Variants in GRAMD2A observed in about 807,000 individuals in gnomAD.
The protein encoded by GRAMD2A is GRAM domain-containing protein 2A.
Under a neutral mutation model 51.1 loss-of-function variants are expected in GRAMD2A, and 37 were observed. The observed-to-expected ratio is 0.72, with a 90% CI of 0.56 to 0.95. The LOEUF (loss-of-function observed/expected upper bound fraction) is 0.95, where lower values mean the gene tolerates loss of function less well. Among genes scored for constraint, GRAMD2A ranks in the 40% least tolerant of loss-of-function variants. The pLI is 0.00. For missense variants in GRAMD2A, 414 were observed against 426.9 expected (o/e 0.97, Z 0.27); for synonymous variants, 136 against 157.1 (o/e 0.87, Z 1.01).
At chr15:72,194,994 C>T (rs2081794669) in intron 1 of GRAMD2A, among the ~76,000 whole-genome samples, 1 of 152,140 alleles carries the variant, frequency 6.6e-6, no homozygotes, top group Non-Finnish European at 1.5e-5. Context: ...GGCTCAAATT[C>T]ATACTTTAAA....
At chr15:72,162,104 A>G (rs1033801126) in intron 11 of GRAMD2A, 92 bp from the exon 12 acceptor site, 7 of 1,521,904 alleles carry the variant, frequency 4.6e-6, no homozygotes, top group East Asian at 2.3e-5. Flanking sequence ...ACTTCCCCCA[A>G]GAGTGGGCCA....
chr15:72,170,415 T>C lies in GRAMD2A; in HGVS notation c.42-476A>G. Reference sequence around the variant, plus strand: ...GGAGGCCTTATCAAAGCTCAGGAGCTGATGCGCTGAAGGTGTGGGAGGTGG... The same window carrying C: ...GGAGGCCTTATCAAAGCTCAGGAGCCGATGCGCTGAAGGTGTGGGAGGTGG... On this transcript the variant is annotated intron_variant, in intron 1 of 11. Coordinates refer to ENST00000309731, the MANE Select transcript of GRAMD2A (RefSeq NM_001012642.3). This position sits in a 1 kb window ranked among gnomAD's most constrained non-coding sequence, Gnocchi z 4.5. The C allele has an allele frequency of 2.2e-6, 1 of 456,158 alleles. No individual in the cohort carries two copies. The highest frequency in any genetic ancestry group is 1.5e-5 in the South Asian group (1 of 64,552). The allele number at this position is 456,158 out of a possible 1,614,324, so 28.3% of individuals were successfully genotyped here. A position where few individuals can be genotyped will look rare whatever the true frequency, so the allele number is the denominator to read the frequency against.
intron 1 of GRAMD2A, among the ~76,000 whole-genome samples, chr15:72,178,864 C>G (rs530202685): frequency 1.3e-3 from 202 of 152,204 alleles, no homozygotes; most frequent in Non-Finnish European, 2.1e-3. Context: ...GTGAGCCACC[C>G]GGCCCGGCTG....
In GRAMD2A at chr15:72,169,958, A is replaced by C. The variant is rs764555826; in HGVS notation, c.42-19T>G. On this transcript the variant is annotated intron_variant, in intron 1 of 11. Transcript: ENST00000309731. Reference sequence around the variant, plus strand: ...TTGGTTGCTAGGGAAAAACAGGCCCATATCAGGAAGGGGGCTTCATGAGGA... The same window carrying C: ...TTGGTTGCTAGGGAAAAACAGGCCCCTATCAGGAAGGGGGCTTCATGAGGA... 1 of 1,593,286 alleles carries C rather than the reference A, an allele frequency of 6.3e-7. No individual in the cohort carries two copies. The highest frequency in any genetic ancestry group is 1.1e-5 in the South Asian group (1 of 90,664).
chr15:72,170,018 C>T lies in GRAMD2A; in HGVS notation c.42-79G>A, dbSNP rs540630339. The T allele has an allele frequency of 2.0e-5, 21 of 1,030,724 alleles. No homozygotes were observed. Among genetic ancestry groups the T allele is most frequent in the Middle Eastern group, 2.3e-4 (1 of 4,344 alleles). 63.8% of individuals were successfully genotyped at this position (1,030,724 alleles called of 1,614,324 possible). On this transcript the variant is annotated intron_variant, in intron 1 of 11. Transcript: ENST00000309731. This position sits in a 1 kb window ranked among gnomAD's most constrained non-coding sequence, Gnocchi z 4.5. Reference sequence around the variant, plus strand: ...CTAACAGCCCCACCATGCCCATGGCCGCTGCCTCTGGCCCCCACCCAAGAC... The same window carrying T: ...CTAACAGCCCCACCATGCCCATGGCTGCTGCCTCTGGCCCCCACCCAAGAC...
At chr15:72,181,686 G>A (rs966123692) in intron 1 of GRAMD2A, among the ~76,000 whole-genome samples, 2 of 152,248 alleles carry the variant, frequency 1.3e-5, no homozygotes, top group Non-Finnish European at 2.9e-5. Flanking sequence ...GCTTAAGCGA[G>A]TAGGATAGTG....
intron 4 of GRAMD2A, 82 bp downstream of exon 4, chr15:72,168,409 C>G (rs2081571622): frequency 4.3e-6 from 4 of 939,434 alleles, no homozygotes; most frequent in Non-Finnish European, 7.0e-6. Flanking sequence ...ATTTCTAAGT[C>G]GTGCTTTGGA....
rs796806825 is a variant in GRAMD2A at position 72,170,851 on chromosome 15, G to A, written c.42-912C>T. 2.6e-5 allele frequency among the ~76,000 whole-genome samples: 4 copies of A among 152,312 alleles called. No homozygotes were observed. Among genetic ancestry groups the A allele is most frequent in the African/African-American group, 9.6e-5 (4 of 41,564 alleles). On this transcript the variant is annotated intron_variant, in intron 1 of 11. Transcript: ENST00000309731. The surrounding 1 kb of genome is among the most constrained non-coding windows in gnomAD (Gnocchi z 4.5). ...GGTCACGTGCAGTGGTCCTGCTGCA[G>A]ATTAGGAGCTGGAGCCTGGAACCTA...
rs547616162 is a variant in GRAMD2A at position 72,185,202 on chromosome 15, T to G, written c.41+12529A>C. On this transcript the variant is annotated intron_variant, in intron 1 of 11. Coordinates refer to ENST00000309731, the MANE Select transcript of GRAMD2A (RefSeq NM_001012642.3). ...TATTTTGTTCCAGTTTTTTTTTTTT[T>G]TTTTTTTTTGAGACGGAGTCTTGCT... 9.0e-4 allele frequency among the ~76,000 whole-genome samples: 137 copies of G among 151,620 alleles called. 4 individuals carry two copies. Among genetic ancestry groups the G allele is most frequent in the Non-Finnish European group, 1.1e-3 (72 of 67,860 alleles).
chr15:72,167,854 G>A lies in GRAMD2A; in HGVS notation c.269-15C>T, dbSNP rs370436320. On this transcript the variant is annotated splice_polypyrimidine_tract_variant and intron_variant, in intron 4 of 11. Coordinates refer to ENST00000309731, the MANE Select transcript of GRAMD2A (RefSeq NM_001012642.3). ...ACAGGAACACACTAGGATGTCACAG[G>A]AGAGAAAATGGCCATAAGCAAGGTC... The A allele has an allele frequency of 3.8e-5, 60 of 1,592,842 alleles. No homozygotes were observed. The highest frequency in any genetic ancestry group is 2.1e-4 in the South Asian group (19 of 90,674).
chr15:72,166,500 A>C lies in GRAMD2A; in HGVS notation c.543+132T>G, dbSNP rs2081546327. 1.4e-6 allele frequency: 1 copy of C among 699,358 alleles called. No individual in the cohort carries two copies. The highest frequency in any genetic ancestry group is 2.0e-5 in the Admixed American group (1 of 48,878). The allele number at this position is 699,358 out of a possible 1,614,324, so 43.3% of individuals were successfully genotyped here. ...TACTGTCTCTTGTACATTGAGCCTG[A>C]GCCTTTAACTCCCCTCTCCCTGCCC... is the stretch of plus-strand genomic sequence containing the variant. On this transcript the variant is annotated intron_variant, in intron 7 of 11. Coordinates refer to ENST00000309731, the MANE Select transcript of GRAMD2A (RefSeq NM_001012642.3). This position sits in a 1 kb window ranked among gnomAD's most constrained non-coding sequence, Gnocchi z 4.1.
rs758129050 is a variant in GRAMD2A, at chr15:72,197,774, C to G, written c.-3G>C. The G allele has an allele frequency of 3.7e-5, 49 of 1,308,910 alleles. No homozygotes were observed. The highest frequency in any genetic ancestry group is 4.3e-5 in the Non-Finnish European group (44 of 1,021,044). The allele number at this position is 1,308,910 out of a possible 1,614,324, so 81.1% of individuals were successfully genotyped here. ...TCGCTCCGGCTTAAAGCGGTCATCC[C>G]GGCGCCTGCACCCAGCGCCCCGACC... On this transcript the variant is annotated 5_prime_UTR_variant, in exon 1 of 12. Transcript: ENST00000309731.
chr15:72,167,775 C>T lies in GRAMD2A; in HGVS notation c.333G>A (p.Trp111Ter). The change falls in exon 5 of 12, where the codon TGG becomes TGA. Residue 111 changes from tryptophan (W) to a stop codon, truncating the protein, a stop_gained. Transcript: ENST00000309731. LOFTEE classifies it high-confidence loss of function. ...CAAAGAGGCTGGCATGGAAGCAGAG[C>T]CAGTTGGGGGAGATGTAGAGCCGGC... ...LQGRLYISPNWLCFHASLFGK... is the reference protein window; with the variant it reads ...LQGRLYISPN 1.2e-6 allele frequency: 2 copies of T among 1,614,100 alleles called. No homozygotes were observed. Among genetic ancestry groups the T allele is most frequent in the South Asian group, 1.1e-5 (1 of 91,082 alleles).
chr15:72,168,984 T>A lies in GRAMD2A; in HGVS notation c.147A>T (p.Pro49=). 6.2e-7 allele frequency: 1 copy of A among 1,614,206 alleles called. No homozygotes were observed. The highest frequency in any genetic ancestry group is 2.2e-5 in the East Asian group (1 of 44,888). The change falls in exon 3 of 12, where the codon CCA becomes CCT. Residue 49 remains proline (P), a synonymous_variant. Coordinates refer to ENST00000309731, the MANE Select transcript of GRAMD2A (RefSeq NM_001012642.3). The part of the protein sequence containing the change: ...EEPPDYSLHW[P]EGLKGEEIKK... ...TTATCTCTTCACCCTTCAAGCCTTC[T>A]GGCCAGTGCAGACTGCAAAGGAGAC...
At position 72,163,847 on chromosome 15, in the gene GRAMD2A, C is replaced by A. The variant is rs2081510083; in HGVS notation, c.601-90G>T. The A allele has an allele frequency of 7.4e-6, 10 of 1,348,288 alleles. 1 individual carries two copies. In the South Asian group the frequency reaches 1.4e-4, roughly 19 times the overall value. The allele number at this position is 1,348,288 out of a possible 1,614,324, so 83.5% of individuals were successfully genotyped here. A position where few individuals can be genotyped will look rare whatever the true frequency, so the allele number is the denominator to read the frequency against. Reference sequence around the variant, plus strand: ...CACACCAGGTTTATCAGAGTTTTCTCCAGATATTACCAAATATAGATGCCT... The same window carrying A: ...CACACCAGGTTTATCAGAGTTTTCTACAGATATTACCAAATATAGATGCCT... On this transcript the variant is annotated intron_variant, in intron 8 of 11. Transcript: ENST00000309731.
At chr15:72,175,531 C>G (rs1319318273) in intron 1 of GRAMD2A, among the ~76,000 whole-genome samples, 1 of 152,236 alleles carries the variant, frequency 6.6e-6, no homozygotes, top group African/African-American at 2.4e-5. Context: ...CGTGCTTTGC[C>G]TGCATACCTG....
chr15:72,174,532 G>C (rs1178608101), intron 1 of GRAMD2A, among the ~76,000 whole-genome samples: 3 of 152,166 alleles, frequency 2.0e-5, no homozygotes, highest in African/African-American at 7.2e-5. Context: ...CCTAATTTCT[G>C]TCAGGAGAGG....
At position 72,159,943 on chromosome 15, in the gene GRAMD2A, C is replaced by T. The variant is rs1462169690; in HGVS notation, c.*2066G>A. ...AATGCAAGCAGGTCTATATAAAATA[C>T]ACATCATTTATAAATGCACACAGCA... On this transcript the variant is annotated 3_prime_UTR_variant, in exon 12 of 12. Transcript: ENST00000309731. 1.3e-5 allele frequency: 2 copies of T among 152,198 alleles called. No homozygotes were observed. Among genetic ancestry groups the T allele is most frequent in the Non-Finnish European group, 2.9e-5 (2 of 68,066 alleles). The allele number at this position is 152,198 out of a possible 1,614,324, so 9.4% of individuals were successfully genotyped here.
intron 1 of GRAMD2A, among the ~76,000 whole-genome samples, chr15:72,186,671 G>A (rs963383294): frequency 1.3e-5 from 2 of 152,120 alleles, no homozygotes; most frequent in Admixed American, 6.6e-5. Flanking sequence ...GACACTTGAT[G>A]TAAGGAAATA....
Sources: gnomAD v4.1 joint callset for allele counts (sites outside exome capture counted in the v4.1 genomes callset) on GRCh38, gnomAD v4.1.1 for gene constraint, Gnocchi (gnomAD v3.1) non-coding constraint, MANE v1.5 for transcripts, NCBI Gene and HGNC (gene_info 2026-07-23, HGNC 2026-07-21) for gene names.